The following MUC22 variants were observed in gnomAD, a reference collection of about 807,000 sequenced individuals.
MUC22 encodes mucin-22.
MUC22 carries 24 observed loss-of-function variants against 40.3 expected under a neutral mutation model. The observed-to-expected ratio is 0.60, with a 90% CI of 0.43 to 0.84. MUC22 has a LOEUF of 0.84. Among genes scored for constraint, MUC22 ranks in the 40% least tolerant of loss-of-function variants. MUC22 has a pLI of 0.00. For synonymous variants in MUC22, 765 were observed against 844.5 expected (o/e 0.91, Z 1.63); for missense variants, 1,926 against 2,130.7 (o/e 0.90, Z 1.89).
upstream of MUC22, among the ~76,000 whole-genome samples, chr6:31,007,685 CTA>C (rs902215055): frequency 5.9e-5 from 9 of 152,246 alleles, no homozygotes; most frequent in African/African-American, 2.2e-4. The surrounding 1 kb of genome is among the most constrained non-coding windows in gnomAD (Gnocchi z 4.0). Context: ...CAAATCTATG[CTA>C]TGTTTATAAA....
chr6:31,017,101 T>C (rs12211782), intron 1 of MUC22, among the ~76,000 whole-genome samples: 36,529 of 152,142 alleles, frequency 0.24, 4,679 homozygotes, highest in East Asian at 0.41. Context: ...TGGGCTCCTG[T>C]GCAGCCAGAA....
At chr6:31,009,632 C>G (rs1018700141), upstream of MUC22, among the ~76,000 whole-genome samples, 3 of 152,214 alleles carry the variant, frequency 2.0e-5, no homozygotes, top group Admixed American at 2.0e-4. Context: ...CAAGCTTATA[C>G]CCGTATCCTC....
In MUC22 at chr6:31,011,139, T is replaced by G. The variant is rs1763843804; in HGVS notation, c.70+363T>G. On this transcript the variant is annotated intron_variant, in intron 1 of 3. Transcript: ENST00000561890. The surrounding 1 kb of genome is among the most constrained non-coding windows in gnomAD (Gnocchi z 4.5). The stretch of plus-strand genomic sequence containing the variant: ...AAAACTCTAGTTCCAATAGCATTCT[T>G]AATTCCAAATTAAAACCAGGATCTC... Among the ~76,000 whole-genome samples the G allele has an allele frequency of 6.6e-6, 1 of 152,126 alleles. No homozygotes were observed. Among genetic ancestry groups the G allele is most frequent in the African/African-American group, 2.4e-5 (1 of 41,406 alleles).
rs138891492 is a variant in MUC22 at position 31,032,891 on chromosome 6, C to T, written c.5055+310C>T. ...ATAAAGAAAGCAAGAAGCAGCTGGG[C>T]GCAGTGGCTCACCCCTGTAATTCCA... On this transcript the variant is annotated intron_variant, in intron 3 of 3. Coordinates refer to ENST00000561890, the Ensembl canonical transcript of MUC22. This position sits in a 1 kb window ranked among gnomAD's most constrained non-coding sequence, Gnocchi z 4.1. 2.4e-3 allele frequency among the ~76,000 whole-genome samples: 370 copies of T among 152,216 alleles called. 2 individuals are homozygous for T. Among genetic ancestry groups the T allele is most frequent in the African/African-American group, 8.0e-3 (333 of 41,544 alleles).
intron 3 of MUC22, among the ~76,000 whole-genome samples, 197 bp from the exon 4 acceptor site, chr6:31,034,475 G>A (rs746047333): frequency 6.6e-6 from 1 of 152,194 alleles, no homozygotes; most frequent in Non-Finnish European, 1.5e-5. Flanking sequence ...AGCTTATTTT[G>A]TCAGACGGAG....
chr6:31,023,586 T>A (rs761242030), intron 1 of MUC22, among the ~76,000 whole-genome samples: 2 of 152,180 alleles, frequency 1.3e-5, no homozygotes, highest in African/African-American at 2.4e-5. Flanking sequence ...TTACATTAAA[T>A]GTATATGGTC....
intron 1 of MUC22, among the ~76,000 whole-genome samples, chr6:31,015,585 C>T (rs114576318): frequency 1.3e-3 from 194 of 152,240 alleles, no homozygotes; most frequent in Non-Finnish European, 2.1e-3. Flanking sequence ...ACATTTGACT[C>T]ATAGTTTAGC....
chr6:31,022,562 A>G (rs556866774), intron 1 of MUC22, among the ~76,000 whole-genome samples: 2 of 117,290 alleles, frequency 1.7e-5, no homozygotes, highest in Non-Finnish European at 3.6e-5. Context: ...TAAAAATAAA[A>G]TTTTTTTCAT....
chr6:31,017,998 A>G (rs1039362566), intron 1 of MUC22, among the ~76,000 whole-genome samples: 1 of 152,220 alleles, frequency 6.6e-6, no homozygotes, highest in Non-Finnish European at 1.5e-5. Context: ...GAGATCACGA[A>G]CCCACCAGAA....
chr6:31,010,452 T>C, upstream of MUC22: 1 of 504,050 alleles, frequency 2.0e-6, no homozygotes, highest in South Asian at 2.7e-5. Flanking sequence ...CAGCTATAAA[T>C]GCCACAGACA....
In MUC22 at chr6:31,032,514, T is replaced by C; in HGVS notation, c.4988T>C (p.Ile1663Thr). The change falls in exon 3 of 4, where the codon ATC becomes ACC. Residue 1663 changes from isoleucine (I) to threonine (T), a missense_variant. Physicochemically the swap from Ile to Thr is moderately conservative, Grantham distance 89. Coordinates refer to ENST00000561890, the Ensembl canonical transcript of MUC22. The surrounding 1 kb of genome is among the most constrained non-coding windows in gnomAD (Gnocchi z 4.1). ...AGTGGATATTTACAGCCCTGGGCTA[T>C]CATCCTCATTTCCCTGGCTGCAGTT... The C allele has an allele frequency of 6.5e-7, 1 of 1,535,728 alleles. No individual in the cohort carries two copies. The highest frequency in any genetic ancestry group is 1.2e-5 in the South Asian group (1 of 84,054).
At chr6:31,017,064 C>T (rs1193299814) in intron 1 of MUC22, among the ~76,000 whole-genome samples, 5 of 152,232 alleles carry the variant, frequency 3.3e-5, no homozygotes, top group Admixed American at 3.3e-4. Context: ...TGCAGCCCGC[C>T]ATGCCTGAGC....
intron 1 of MUC22, among the ~76,000 whole-genome samples, chr6:31,022,809 G>A (rs909328355): frequency 1.3e-5 from 2 of 152,064 alleles, no homozygotes; most frequent in Admixed American, 6.6e-5. Context: ...TATTTAATAA[G>A]CTAATGGTGG....
chr6:31,024,227 A>G (rs1310493750), intron 1 of MUC22, among the ~76,000 whole-genome samples: 1 of 152,222 alleles, frequency 6.6e-6, no homozygotes, highest in Non-Finnish European at 1.5e-5. Flanking sequence ...ACAACACACG[A>G]TTCTGAATTG....
chr6:31,006,493 G>A (rs900601398), upstream of MUC22, among the ~76,000 whole-genome samples: 1 of 152,114 alleles, frequency 6.6e-6, no homozygotes, highest in Non-Finnish European at 1.5e-5. Context: ...ATACTACAAT[G>A]GTGGATGCCT....
chr6:31,017,995 C>T (rs766923528), intron 1 of MUC22, among the ~76,000 whole-genome samples: 4 of 152,222 alleles, frequency 2.6e-5, no homozygotes, highest in Non-Finnish European at 5.9e-5. Flanking sequence ...AGTGAGATCA[C>T]GAACCCACCA....
Position 31,032,538 on chromosome 6 carries a change from T to C in MUC22, c.5012T>C (p.Val1671Ala), listed in dbSNP as rs1562625325. 1.3e-6 allele frequency: 2 copies of C among 1,535,552 alleles called. No individual in the cohort carries two copies. Among genetic ancestry groups the C allele is most frequent in the Admixed American group, 2.0e-5 (1 of 50,974 alleles). The stretch of plus-strand genomic sequence containing the variant: ...ATCATCCTCATTTCCCTGGCTGCAG[T>C]TGTGGCTGCTGTTGGATTGTCAGTA... The change falls in exon 3 of 4, where the codon GTT (valine) becomes GCT (alanine). Residue 1671 changes from valine (V) to alanine (A), a missense_variant. By Grantham distance (64) the Val-to-Ala change is moderately conservative. Coordinates refer to ENST00000561890, the Ensembl canonical transcript of MUC22. This position sits in a 1 kb window ranked among gnomAD's most constrained non-coding sequence, Gnocchi z 4.1.
intron 1 of MUC22, among the ~76,000 whole-genome samples, chr6:31,020,635 C>T (rs1402066144): frequency 6.6e-6 from 1 of 152,080 alleles, no homozygotes; most frequent in African/African-American, 2.4e-5. Flanking sequence ...TTGAGGAGCC[C>T]TTCAGCCCAC....
upstream of MUC22, among the ~76,000 whole-genome samples, chr6:31,006,782 T>C (rs1458347639): frequency 6.6e-6 from 1 of 152,148 alleles, no homozygotes; most frequent in Non-Finnish European, 1.5e-5. Flanking sequence ...AATGGAACTA[T>C]AAGTTCGTAG....
Sources: gnomAD v4.1 joint callset for allele counts (sites outside exome capture counted in the v4.1 genomes callset) on GRCh38, gnomAD v4.1.1 for gene constraint, Gnocchi (gnomAD v3.1) non-coding constraint, MANE v1.5 for transcripts, NCBI Gene and HGNC (gene_info 2026-07-23, HGNC 2026-07-21) for gene names.